The following EML6 variants were observed in gnomAD, a reference collection of about 807,000 sequenced individuals.
EML6 encodes the protein EMAP like 6.
EML6 carries 154 observed loss-of-function variants against 240.1 expected under a neutral mutation model. The ratio of observed to expected loss-of-function variants is 0.64; its 90% CI spans 0.56 to 0.73. The LOEUF (loss-of-function observed/expected upper bound fraction) is 0.73. Ranked by LOEUF, EML6 falls within the 30% of genes least tolerant of loss-of-function variation. EML6 has a pLI of 0.00. For missense variants in EML6, 2,964 were observed against 2,474.6 expected (o/e 1.20, Z -4.20); for synonymous variants, 1,148 against 899.0 (o/e 1.28, Z -4.95).
intron 34 of EML6, 50 bp downstream of exon 34, chr2:54,959,311 G>A (rs1437577270): frequency 2.7e-6 from 4 of 1,465,420 alleles, no homozygotes. Context: ...GTTATCTTGG[G>A]AGAAACTGAC....
At chr2:54,743,416 C>G (rs1683752713) in intron 2 of EML6, among the ~76,000 whole-genome samples, 1 of 152,224 alleles carries the variant, frequency 6.6e-6, no homozygotes, top group Admixed American at 6.5e-5. Context: ...CAATGTTATT[C>G]AAGGACCTGC....
intron 25 of EML6, among the ~76,000 whole-genome samples, chr2:54,914,617 C>A (rs1207642124): frequency 6.6e-6 from 1 of 152,122 alleles, no homozygotes; most frequent in African/African-American, 2.4e-5. Context: ...GAGGCTGATT[C>A]CTGATGATGT....
At chr2:54,800,210 A>C (rs965613040) in intron 2 of EML6, among the ~76,000 whole-genome samples, 1 of 152,172 alleles carries the variant, frequency 6.6e-6, no homozygotes, top group Non-Finnish European at 1.5e-5. Context: ...ACACTACTGC[A>C]CTCCAGCCTG....
intron 17 of EML6, among the ~76,000 whole-genome samples, chr2:54,885,303 C>G (rs1266014730): frequency 6.6e-6 from 1 of 151,686 alleles, no homozygotes; most frequent in Admixed American, 6.6e-5. Context: ...AAAAATTAGC[C>G]AGGCATGGTG....
At chr2:54,786,868 A>G (rs1468363289) in intron 2 of EML6, among the ~76,000 whole-genome samples, 1 of 152,194 alleles carries the variant, frequency 6.6e-6, no homozygotes, top group East Asian at 1.9e-4. Flanking sequence ...AACTTGTTAA[A>G]CATATACAAG....
chr2:54,938,845 G>A (rs967363087), intron 28 of EML6, among the ~76,000 whole-genome samples: 1 of 152,120 alleles, frequency 6.6e-6, no homozygotes, highest in Non-Finnish European at 1.5e-5. Context: ...CCTTTCTGAG[G>A]GCTTTATTTT....
intron 5 of EML6, among the ~76,000 whole-genome samples, chr2:54,826,662 G>A (rs1241144329): frequency 1.3e-5 from 2 of 152,162 alleles, no homozygotes; most frequent in Non-Finnish European, 2.9e-5. Context: ...AACCATAGGA[G>A]TGTCCTTACT....
chr2:54,895,229 A>T (rs1317734850), intron 20 of EML6, 44 bp from the exon 21 acceptor site: 4 of 1,546,474 alleles, frequency 2.6e-6, no homozygotes, highest in Non-Finnish European at 3.5e-6. Flanking sequence ...ACTAATAAGC[A>T]GTTGTTTTTG....
At chr2:54,876,093 A>T (rs566329188) in intron 16 of EML6, among the ~76,000 whole-genome samples, 1 of 152,208 alleles carries the variant, frequency 6.6e-6, no homozygotes, top group Non-Finnish European at 1.5e-5. Context: ...TGTCACAGAC[A>T]TCCATAATTA....
intron 25 of EML6, among the ~76,000 whole-genome samples, chr2:54,916,002 C>G (rs1348213554): frequency 6.6e-6 from 1 of 152,130 alleles, no homozygotes; most frequent in Non-Finnish European, 1.5e-5. Flanking sequence ...AGGATTTAAC[C>G]TATACAAATT....
intron 2 of EML6, among the ~76,000 whole-genome samples, chr2:54,778,049 A>G (rs1388023725): frequency 6.6e-6 from 1 of 152,208 alleles, no homozygotes; most frequent in Non-Finnish European, 1.5e-5. Flanking sequence ...ACTTTCAAAG[A>G]GTGGAAATAA....
Position 54,964,666 on chromosome 2 carries a change from G to C in EML6, c.5426G>C (p.Gly1809Ala). ...CAGGGCACAAATCTGAACCGCATTG[G>C]CTACTGCAAAGATATCCCAAGCTTT... is the stretch of plus-strand genomic sequence containing the variant. ...LTQGTNLNRIGYCKDIPSFVI... is the reference protein window; with the variant it reads ...LTQGTNLNRIAYCKDIPSFVI... Residue 1809 changes from glycine to alanine, a missense_variant, in exon 38 of 42, where the codon GGC (glycine) becomes GCC (alanine). Transcript: ENST00000356458. The C allele has an allele frequency of 6.4e-7, 1 of 1,552,306 alleles. No homozygotes were observed. The highest frequency in any genetic ancestry group is 1.2e-5 in the South Asian group (1 of 84,060).
chr2:54,904,058 A>T (rs1372903452), intron 24 of EML6, among the ~76,000 whole-genome samples: 1 of 152,202 alleles, frequency 6.6e-6, no homozygotes, highest in East Asian at 1.9e-4. Context: ...TCTAGCTTTT[A>T]TGGTGTTGCA....
intron 10 of EML6, among the ~76,000 whole-genome samples, chr2:54,852,472 A>G (rs971876870): frequency 2.6e-5 from 4 of 152,178 alleles, no homozygotes; most frequent in East Asian, 3.8e-4. Context: ...ATCATAATTT[A>G]CTTCATCACT....
chr2:54,758,412 G>A (rs1373112129), intron 2 of EML6, among the ~76,000 whole-genome samples: 1 of 152,034 alleles, frequency 6.6e-6, no homozygotes, highest in Admixed American at 6.5e-5. Context: ...TGCTCTTATA[G>A]TTTCTCTTAT....
chr2:54,804,967 G>C (rs1670388510), intron 2 of EML6, among the ~76,000 whole-genome samples: 1 of 152,010 alleles, frequency 6.6e-6, no homozygotes, highest in Non-Finnish European at 1.5e-5. Flanking sequence ...GTTTACCTTT[G>C]TAGCTTTAGG....
intron 32 of EML6, 135 bp from the exon 33 acceptor site, chr2:54,957,655 A>T: frequency 1.3e-6 from 1 of 752,582 alleles, no homozygotes; most frequent in Non-Finnish European, 2.2e-6. Context: ...ATAGTGTCTG[A>T]AGGGGAGAGA....
At chr2:54,944,136 T>C (rs1013236935) in intron 28 of EML6, among the ~76,000 whole-genome samples, 1 of 152,100 alleles carries the variant, frequency 6.6e-6, no homozygotes, top group East Asian at 1.9e-4. Context: ...AATTAATCTT[T>C]TATATCCCAC....
At chr2:54,857,125 G>A (rs926436245) in intron 11 of EML6, among the ~76,000 whole-genome samples, 14 of 152,296 alleles carry the variant, frequency 9.2e-5, no homozygotes, top group African/African-American at 3.1e-4. Flanking sequence ...ATTTGTCTCT[G>A]GGAGTGCACA....
Sources: allele counts gnomAD v4.1 joint callset (sites outside exome capture counted in the v4.1 genomes callset), GRCh38; gene constraint gnomAD v4.1.1; transcripts MANE v1.5; gene names NCBI Gene and HGNC (gene_info 2026-07-23, HGNC 2026-07-21).